TMC1: variants seen among roughly 807,000 people sequenced by gnomAD.
TMC1 encodes transmembrane channel like 1.
In TMC1, 84 loss-of-function variants were observed where a neutral mutation model predicts 105.8. That is an observed-to-expected ratio of 0.79 (90% confidence interval 0.67 to 0.95). TMC1 has a LOEUF of 0.95. Among genes scored for constraint, TMC1 ranks in the 40% least tolerant of loss-of-function variants. TMC1 has a pLI of 0.00. For missense variants in TMC1, 817 were observed against 914.1 expected, an observed-to-expected ratio of 0.89 and a Z score of 1.37; for synonymous variants, 315 against 311.5, an observed-to-expected ratio of 1.01 and a Z score of -0.12.
chr9:72,616,083 GA>G (rs1825123564), intron 2 of TMC1, among the ~76,000 whole-genome samples: 1 of 152,100 alleles, frequency 6.6e-6, no homozygotes, highest in Non-Finnish European at 1.5e-5. Flanking sequence ...GATGAAAGTG[GA>G]AACTCCACTG....
rs55837594 is a variant in TMC1 at position 72,791,681 on chromosome 9, C to T, written c.1225-205C>T. ...GTTACTACTGGCACATACACACACTCAGTCACATGCCTCTCTTGAGAATGT... is the reference window on the plus strand; with the variant it reads ...GTTACTACTGGCACATACACACACTTAGTCACATGCCTCTCTTGAGAATGT... On this transcript the variant is annotated intron_variant, in intron 15 of 23. Transcript: ENST00000297784. Among the ~76,000 whole-genome samples, 913 of 152,316 alleles carry T rather than the reference C, an allele frequency of 6.0e-3. 11 individuals are homozygous for T. Among genetic ancestry groups the T allele is most frequent in the Middle Eastern group, 0.027 (8 of 294 alleles).
chr9:72,653,506 A>C (rs557037656), intron 5 of TMC1, among the ~76,000 whole-genome samples: 37 of 152,380 alleles, frequency 2.4e-4, no homozygotes, highest in African/African-American at 8.9e-4. Context: ...CTGTTGATAC[A>C]TCTAACAATG....
At chr9:72,582,255 C>T (rs1587972787) in intron 2 of TMC1, among the ~76,000 whole-genome samples, 1 of 152,192 alleles carries the variant, frequency 6.6e-6, no homozygotes, top group Non-Finnish European at 1.5e-5. Flanking sequence ...CTGTGCTCAG[C>T]CGATAGCATC....
intron 1 of TMC1, among the ~76,000 whole-genome samples, chr9:72,559,743 G>A (rs1308698819): frequency 3.9e-5 from 6 of 152,050 alleles, no homozygotes; most frequent in African/African-American, 9.7e-5. Flanking sequence ...TTAAATTTTC[G>A]AAAATGGAGA....
chr9:72,825,011 T>C (rs955069060), intron 20 of TMC1, among the ~76,000 whole-genome samples: 1 of 152,266 alleles, frequency 6.6e-6, no homozygotes, highest in Admixed American at 6.5e-5. Context: ...AGACTGCTAT[T>C]ATATTGGTCA....
At chr9:72,647,528 T>C (rs1288093968) in intron 4 of TMC1, among the ~76,000 whole-genome samples, 1 of 152,212 alleles carries the variant, frequency 6.6e-6, no homozygotes. Flanking sequence ...ACTCTGGATA[T>C]CTTCACATAT....
At chr9:72,528,462 G>A (rs1375888604) in intron 1 of TMC1, among the ~76,000 whole-genome samples, 1 of 151,750 alleles carries the variant, frequency 6.6e-6, no homozygotes, top group African/African-American at 2.4e-5. Flanking sequence ...AGCTTCCCAA[G>A]TAGCTGGGAT....
chr9:72,759,130 G>T (rs1298486947), intron 12 of TMC1, among the ~76,000 whole-genome samples: 12 of 152,122 alleles, frequency 7.9e-5, no homozygotes, highest in Non-Finnish European at 1.5e-5. Context: ...GGGGTTATTA[G>T]AATCTAGGGG....
Position 72,789,220 on chromosome 9 carries a change from T to C in TMC1, c.1127T>C (p.Leu376Pro). The change falls in exon 15 of 24, where the codon CTT becomes CCT. Residue 376 changes from leucine (L) to proline (P), a missense_variant. Physicochemically the swap from Leu to Pro is moderately conservative, Grantham distance 98. Coordinates refer to ENST00000297784, the MANE Select transcript of TMC1 (RefSeq NM_138691.3). The stretch of plus-strand genomic sequence containing the variant: ...GCTAACTTCTTCGTGTTTCTAACAC[T>C]TGGAGGGAGTGGATACCTCATCTTT... ...FLANFFVFLT[L>P]GGSGYLIFWA... 6.2e-7 allele frequency: 1 copy of C among 1,614,032 alleles called. No individual in the cohort carries two copies. Among genetic ancestry groups the C allele is most frequent in the Non-Finnish European group, 8.5e-7 (1 of 1,179,962 alleles).
At chr9:72,678,351 A>G (rs889753027) in intron 5 of TMC1, among the ~76,000 whole-genome samples, 2 of 152,094 alleles carry the variant, frequency 1.3e-5, no homozygotes, top group Admixed American at 1.3e-4. Context: ...CCATTTCCAC[A>G]TTGAAGACAA....
intron 2 of TMC1, among the ~76,000 whole-genome samples, chr9:72,588,239 G>A (rs1824584564): frequency 1.3e-5 from 2 of 152,172 alleles, no homozygotes; most frequent in African/African-American, 4.8e-5. Flanking sequence ...CTTACTTACT[G>A]CTGTATAACA....
At chr9:72,793,838 G>A (rs1828318120) in intron 17 of TMC1, among the ~76,000 whole-genome samples, 1 of 152,130 alleles carries the variant, frequency 6.6e-6, no homozygotes, top group South Asian at 2.1e-4. Context: ...CATCCTCCAG[G>A]CCTAGGCCTC....
chr9:72,682,041 T>C (rs1381109872), intron 5 of TMC1, among the ~76,000 whole-genome samples: 2 of 152,144 alleles, frequency 1.3e-5, no homozygotes, highest in Non-Finnish European at 2.9e-5. Flanking sequence ...TTTGCCTGCC[T>C]CCCTCTTTTG....
Position 72,836,158 on chromosome 9 carries a change from A to T in TMC1, c.*185A>T. ...TCCTACCTGAGCAACAAGAATCTAA[A>T]CTTTATTCCAAGTCAGAAACTGTTT... On this transcript the variant is annotated 3_prime_UTR_variant, in exon 24 of 24. Transcript: ENST00000297784. The T allele has an allele frequency of 1.4e-6, 1 of 705,186 alleles. No individual in the cohort carries two copies. Among genetic ancestry groups the T allele is most frequent in the Non-Finnish European group, 2.5e-6 (1 of 392,246 alleles). 43.7% of individuals were successfully genotyped at this position (705,186 alleles called of 1,614,324 possible).
At chr9:72,568,200 A>AC (rs536127886) in intron 1 of TMC1, among the ~76,000 whole-genome samples, 1 of 151,298 alleles carries the variant, frequency 6.6e-6, no homozygotes, top group African/African-American at 2.4e-5. Context: ...CCACTTCTCA[A>AC]CCCCCCAAAC....
chr9:72,781,598 A>C (rs990668617), intron 13 of TMC1, among the ~76,000 whole-genome samples: 1 of 152,184 alleles, frequency 6.6e-6, no homozygotes, highest in Non-Finnish European at 1.5e-5. Flanking sequence ...AAGAAGATTC[A>C]AATAAACACA....
chr9:72,802,371 T>C lies in TMC1; in HGVS notation c.1567-3011T>C, dbSNP rs1187847387. 2.0e-5 allele frequency among the ~76,000 whole-genome samples: 3 copies of C among 151,202 alleles called. No individual in the cohort carries two copies. In the East Asian group the frequency reaches 5.8e-4, roughly 29 times the overall value. On this transcript the variant is annotated intron_variant, in intron 17 of 23. Transcript: ENST00000297784. Reference sequence around the variant, plus strand: ...AAAAATAACCACAGGAATACTATCATTCATTCATTTTTTATTTATGAGTGT... The same window carrying C: ...AAAAATAACCACAGGAATACTATCACTCATTCATTTTTTATTTATGAGTGT...
At chr9:72,709,352 G>C (rs1229116654) in intron 8 of TMC1, among the ~76,000 whole-genome samples, 2 of 151,984 alleles carry the variant, frequency 1.3e-5, no homozygotes, top group Admixed American at 1.3e-4. Flanking sequence ...TCCTGGTTTT[G>C]GTATTAGGGT....
intron 12 of TMC1, among the ~76,000 whole-genome samples, chr9:72,768,785 T>G (rs984582484): frequency 6.6e-6 from 1 of 152,228 alleles, no homozygotes. Flanking sequence ...AGATGCTTGT[T>G]CTATATCTGC....
Sources: gnomAD v4.1 joint callset for allele counts (sites outside exome capture counted in the v4.1 genomes callset) on GRCh38, gnomAD v4.1.1 for gene constraint, MANE v1.5 for transcripts, NCBI Gene and HGNC (gene_info 2026-07-23, HGNC 2026-07-21) for gene names.